HSPA4: variants seen among roughly 807,000 people sequenced by gnomAD.
The protein encoded by HSPA4 is heat shock 70 kDa protein 4.
Under a neutral mutation model 106.2 loss-of-function variants are expected in HSPA4, and 25 were observed. That is an observed-to-expected ratio of 0.24 (90% confidence interval 0.17 to 0.33). The LOEUF is 0.33. Among genes scored for constraint, HSPA4 ranks in the 10% least tolerant of loss-of-function variants. HSPA4 has a pLI of 1.00. For synonymous variants in HSPA4, 332 were observed against 333.6 expected (o/e 1.00, Z 0.05); for missense variants, 841 against 996.0 (o/e 0.84, Z 2.10).
rs746056806 is a variant in HSPA4, at chr5:133,104,375, G to C, written c.2462G>C (p.Gly821Ala). The change falls in exon 19 of 19, where the codon GGT (glycine) becomes GCT (alanine). Residue 821 changes from glycine to alanine, a missense_variant. Gly to Ala is a moderately conservative substitution (Grantham distance 60). Around this residue, in one of 5 missense-constraint regions of HSPA4, gnomAD observed 328 missense variants for 372.2 expected, o/e 0.88. Coordinates refer to ENST00000304858, the MANE Select transcript of HSPA4 (RefSeq NM_002154.4). ...CCAGGCCCCCAGGCTGCTGAGCAGG[G>C]TACAGACACAGCTGTGCCTTCGGAT... ...DNPGPQAAEQ[G>A]TDTAVPSDSD... 10 of 1,614,184 alleles carry C rather than the reference G, an allele frequency of 6.2e-6. No individual in the cohort carries two copies. The highest frequency in any genetic ancestry group is 8.5e-6 in the Non-Finnish European group (10 of 1,180,032).
At chr5:133,060,367 T>C (rs1301061822) in intron 1 of HSPA4, among the ~76,000 whole-genome samples, 3 of 151,998 alleles carry the variant, frequency 2.0e-5, no homozygotes, top group African/African-American at 4.8e-5. Flanking sequence ...TGTGCTGTTA[T>C]ACTTTTTTTT....
rs200219789 is a variant in HSPA4 at position 133,070,542 on chromosome 5, A to G, written c.429+46A>G. On this transcript the variant is annotated intron_variant, in intron 4 of 18. Coordinates refer to ENST00000304858, the MANE Select transcript of HSPA4 (RefSeq NM_002154.4). Reference sequence around the variant, plus strand: ...TTATTGGGAATTTGCATGAAGAAGCAGAGAGAAGAAAGCTGCTAATTTCAA... The same window carrying G: ...TTATTGGGAATTTGCATGAAGAAGCGGAGAGAAGAAAGCTGCTAATTTCAA... 27 of 1,601,076 alleles carry G rather than the reference A, an allele frequency of 1.7e-5. No homozygotes were observed. The East Asian group carries it at 3.8e-4, about 23-fold the overall frequency.
intron 15 of HSPA4, among the ~76,000 whole-genome samples, chr5:133,098,551 C>T (rs945880540): frequency 6.6e-6 from 1 of 151,946 alleles, no homozygotes; most frequent in African/African-American, 2.4e-5. Flanking sequence ...TCTCGATCTC[C>T]TGACTTCGTG....
chr5:133,075,644 A>G (rs111475286), intron 6 of HSPA4, among the ~76,000 whole-genome samples: 3,445 of 152,038 alleles, frequency 0.023, 130 homozygotes, highest in African/African-American at 0.075. Context: ...CCTGGGCAAC[A>G]TGGCAAAACC....
intron 1 of HSPA4, among the ~76,000 whole-genome samples, chr5:133,061,611 A>G (rs1364773075): frequency 6.6e-6 from 1 of 151,754 alleles, no homozygotes; most frequent in African/African-American, 2.4e-5. Flanking sequence ...TTAAGAGGTA[A>G]AAAGGATTAC....
chr5:133,100,361 G>A (rs1765769179), intron 16 of HSPA4, among the ~76,000 whole-genome samples: 1 of 151,256 alleles, frequency 6.6e-6, no homozygotes, highest in African/African-American at 2.4e-5. Flanking sequence ...GAGCCACCAT[G>A]CCTAGCCAAA....
At chr5:133,096,805 T>G (rs1327111153) in intron 14 of HSPA4, among the ~76,000 whole-genome samples, 2 of 152,226 alleles carry the variant, frequency 1.3e-5, no homozygotes, top group Non-Finnish European at 2.9e-5. Context: ...ACTTCAGCAT[T>G]TATACTGCGT....
At chr5:133,061,384 A>G (rs1238049057) in intron 1 of HSPA4, among the ~76,000 whole-genome samples, 3 of 151,896 alleles carry the variant, frequency 2.0e-5, no homozygotes, top group Non-Finnish European at 4.4e-5. Context: ...GGCCTCCCAA[A>G]GTGCTGGGAT....
intron 1 of HSPA4, 115 bp downstream of exon 1, chr5:133,052,472 C>G: frequency 4.2e-6 from 3 of 707,336 alleles, no homozygotes; most frequent in Non-Finnish European, 6.8e-6. Context: ...CGTTCCGAGC[C>G]GAGGTCCCGG....
intron 3 of HSPA4, among the ~76,000 whole-genome samples, chr5:133,068,003 C>T (rs1765330264): frequency 6.6e-6 from 1 of 151,758 alleles, no homozygotes; most frequent in African/African-American, 2.4e-5. Context: ...AGCGATTCTC[C>T]TGCCTCAGCC....
rs1561585046 is a variant in HSPA4 at position 133,092,808 on chromosome 5, T to TTTTTTTG, written c.1650+25_1650+26insGTTTTTT. ...AATGGAGGTATGCATTGGGTGGTGT[T>TTTTTTTG]TTTTTTTTTTTTTTTTTTTTTTTTT... On this transcript the variant is annotated intron_variant, in intron 13 of 18. Coordinates refer to ENST00000304858, the MANE Select transcript of HSPA4 (RefSeq NM_002154.4). The TTTTTTTG allele has an allele frequency of 4.3e-5, 2 of 46,454 alleles. No individual in the cohort carries two copies. Among genetic ancestry groups the TTTTTTTG allele is most frequent in the Admixed American group, 1.3e-3 (1 of 796 alleles). The allele number at this position is 46,454 out of a possible 1,614,324, so 2.9% of individuals were successfully genotyped here.
intron 5 of HSPA4, 133 bp downstream of exon 5, chr5:133,073,462 T>A: frequency 1.6e-6 from 1 of 619,820 alleles, no homozygotes; most frequent in Non-Finnish European, 2.9e-6. Flanking sequence ...GGTCATGGTG[T>A]TTTTGGATAC....
At chr5:133,087,453 G>A (rs1765590331) in intron 8 of HSPA4, among the ~76,000 whole-genome samples, 2 of 152,086 alleles carry the variant, frequency 1.3e-5, no homozygotes, top group African/African-American at 4.8e-5. Flanking sequence ...TTCCACACTG[G>A]GAAAGCCCAT....
intron 16 of HSPA4, among the ~76,000 whole-genome samples, chr5:133,101,010 G>T (rs1165673453): frequency 6.6e-6 from 1 of 151,896 alleles, no homozygotes; most frequent in South Asian, 2.1e-4. Flanking sequence ...TCCCTGTGTT[G>T]CCCAGACTGG....
chr5:133,068,794 G>C (rs1765344845), intron 3 of HSPA4, among the ~76,000 whole-genome samples: 1 of 152,190 alleles, frequency 6.6e-6, no homozygotes, highest in African/African-American at 2.4e-5. Context: ...GGTATTGGCA[G>C]ATTTATTCAT....
In HSPA4 at chr5:133,106,102, A is replaced by ATTTTTTTTTTTTTT. The variant is rs70974072; in HGVS notation, c.*1691_*1704dup. The ATTTTTTTTTTTTTT allele has an allele frequency of 8.7e-5, 5 of 57,146 alleles. 1 individual carries two copies. The highest frequency in any genetic ancestry group is 1.2e-4 in the Non-Finnish European group (4 of 32,402). 3.5% of individuals were successfully genotyped at this position (57,146 alleles called of 1,614,324 possible). On this transcript the variant is annotated 3_prime_UTR_variant, in exon 19 of 19. Coordinates refer to ENST00000304858, the MANE Select transcript of HSPA4 (RefSeq NM_002154.4). ...GCCATTTCTTCTTAAAAAAAAAAAA[A>ATTTTTTTTTTTTTT]TTTTTTTTTTTTTTTTTTTTTTTTT...
chr5:133,081,860 C>T (rs1765517776), intron 7 of HSPA4, among the ~76,000 whole-genome samples: 1 of 152,050 alleles, frequency 6.6e-6, no homozygotes, highest in Non-Finnish European at 1.5e-5. Context: ...GGGAAAGCCT[C>T]TCAAAAACAA....
intron 15 of HSPA4, among the ~76,000 whole-genome samples, chr5:133,098,821 C>T (rs769555172): frequency 4.0e-5 from 6 of 151,742 alleles, no homozygotes; most frequent in Non-Finnish European, 5.9e-5. Flanking sequence ...TACAGGCATG[C>T]TCCACCATGC....
At position 133,065,048 on chromosome 5, in the gene HSPA4, A is replaced by AT. The variant is rs770673981; in HGVS notation, c.165+18dup. ...GCAGCTAAAAGCCAGGTAAAGTTTC[A>AT]TTTTTTTCCTAAAATGACTTATTTC... On this transcript the variant is annotated intron_variant, in intron 2 of 18. Transcript: ENST00000304858. The AT allele has an allele frequency of 5.6e-6, 9 of 1,611,646 alleles. No individual in the cohort carries two copies. The highest frequency in any genetic ancestry group is 3.3e-5 in the South Asian group (3 of 90,924).
Sources: allele counts gnomAD v4.1 joint callset (sites outside exome capture counted in the v4.1 genomes callset), GRCh38; gene constraint gnomAD v4.1.1; regional missense constraint gnomAD v4.1.1; transcripts MANE v1.5; gene names NCBI Gene and HGNC (gene_info 2026-07-23, HGNC 2026-07-21).